Variants in CCSER2 observed in about 807,000 individuals in gnomAD.
CCSER2 encodes coiled-coil serine rich protein 2.
In CCSER2, 46 loss-of-function variants were observed where a neutral mutation model predicts 92.3. The ratio of observed to expected loss-of-function variants is 0.50; its 90% CI spans 0.39 to 0.64. CCSER2 has a LOEUF of 0.64. Among genes scored for constraint, CCSER2 ranks in the 30% least tolerant of loss-of-function variants. The pLI is 0.00. For missense variants in CCSER2, 1,244 were observed against 1,238.9 expected, an observed-to-expected ratio of 1.00 and a Z score of -0.06; for synonymous variants, 433 against 431.4, an observed-to-expected ratio of 1.00 and a Z score of -0.04.
intron 9 of CCSER2, among the ~76,000 whole-genome samples, chr10:84,496,297 C>A (rs1046988293): frequency 1.3e-5 from 2 of 151,398 alleles, no homozygotes; most frequent in South Asian, 2.1e-4. Context: ...TTTCTTTTTT[C>A]TTTTTTGAGA....
At chr10:84,513,210 T>C (rs1849455380) in intron 9 of CCSER2, among the ~76,000 whole-genome samples, 1 of 152,208 alleles carries the variant, frequency 6.6e-6, no homozygotes, top group South Asian at 2.1e-4. Context: ...TTTCTTTTTC[T>C]CATTTAATTT....
At chr10:84,499,724 G>T in intron 9 of CCSER2, 1 of 604,396 alleles carries the variant, frequency 1.7e-6, no homozygotes, top group South Asian at 2.6e-5. Context: ...TTAGTAATTT[G>T]AGCTGCCTGT....
chr10:84,502,679 G>T (rs541773017), intron 9 of CCSER2, among the ~76,000 whole-genome samples: 2 of 152,116 alleles, frequency 1.3e-5, no homozygotes, highest in African/African-American at 4.8e-5. Context: ...CCTCTTTGAT[G>T]ACTTCTTGAA....
chr10:84,455,431 A>G (rs898235012), intron 6 of CCSER2, among the ~76,000 whole-genome samples: 1 of 151,916 alleles, frequency 6.6e-6, no homozygotes, highest in Non-Finnish European at 1.5e-5. Flanking sequence ...GCCTGCCACC[A>G]TATGTGGCTA....
Position 84,377,470 on chromosome 10 carries a change from A to C in CCSER2, c.1614+3655A>C, listed in dbSNP as rs149852088. 2.2e-3 allele frequency among the ~76,000 whole-genome samples: 332 copies of C among 152,312 alleles called. 1 individual carries two copies. Among genetic ancestry groups the C allele is most frequent in the African/African-American group, 7.7e-3 (321 of 41,582 alleles). ...TCATAAATCAGTGACTGCATATATAAATATTTCATTGCATAGACAAATATT... is the reference window on the plus strand; with the variant it reads ...TCATAAATCAGTGACTGCATATATACATATTTCATTGCATAGACAAATATT... On this transcript the variant is annotated intron_variant, in intron 3 of 9. Transcript: ENST00000372088.
At chr10:84,476,770 A>G (rs1053193826) in intron 8 of CCSER2, among the ~76,000 whole-genome samples, 1 of 152,016 alleles carries the variant, frequency 6.6e-6, no homozygotes, top group African/African-American at 2.4e-5. Context: ...CAGTATTTTC[A>G]TGATCTTTTT....
chr10:84,434,197 C>T (rs1843964345), intron 5 of CCSER2, among the ~76,000 whole-genome samples: 1 of 152,068 alleles, frequency 6.6e-6, no homozygotes, highest in Non-Finnish European at 1.5e-5. Context: ...TGTCTTTAGT[C>T]TTAGAAAGTG....
At chr10:84,410,490 T>G (rs1421409691) in intron 3 of CCSER2, among the ~76,000 whole-genome samples, 1 of 152,224 alleles carries the variant, frequency 6.6e-6, no homozygotes, top group Non-Finnish European at 1.5e-5. Context: ...CATTTTGGTT[T>G]TTATTTGCAT....
intron 6 of CCSER2, among the ~76,000 whole-genome samples, chr10:84,443,368 T>TAAC (rs1844697601): frequency 6.6e-6 from 1 of 152,160 alleles, no homozygotes; most frequent in Admixed American, 6.5e-5. Flanking sequence ...AGAAGACAAT[T>TAAC]ATGCAGCCAA....
chr10:84,389,329 G>C (rs1841396848), intron 3 of CCSER2: 1 of 522,856 alleles, frequency 1.9e-6, no homozygotes. Context: ...GTCGAGCAAT[G>C]TTGACAATCT....
intron 6 of CCSER2, chr10:84,456,068 T>G (rs1021503266): frequency 4.7e-6 from 2 of 421,912 alleles, no homozygotes; most frequent in Admixed American, 7.0e-5. Flanking sequence ...TCGGGCTGGG[T>G]CAGGCCAAAG....
intron 9 of CCSER2, among the ~76,000 whole-genome samples, chr10:84,502,844 G>A (rs569580255): frequency 1.2e-3 from 185 of 152,266 alleles, no homozygotes; most frequent in African/African-American, 4.4e-3. Flanking sequence ...TATGCAGAGT[G>A]AGATAATTAA....
intron 3 of CCSER2, among the ~76,000 whole-genome samples, chr10:84,416,854 C>G (rs1399915636): frequency 6.6e-6 from 1 of 152,094 alleles, no homozygotes; most frequent in African/African-American, 2.4e-5. Flanking sequence ...TGGCGTGAAC[C>G]CAGGAGGCGG....
At chr10:84,332,437 T>TATATATATA (rs57504114) in intron 1 of CCSER2, among the ~76,000 whole-genome samples, 1 of 34,890 alleles carries the variant, frequency 2.9e-5, no homozygotes, top group Non-Finnish European at 4.6e-5. Flanking sequence ...TATATATATA[T>TATATATATA]TTTTTTTTTT....
intron 3 of CCSER2, among the ~76,000 whole-genome samples, chr10:84,400,315 G>A (rs988889028): frequency 2.0e-5 from 3 of 152,076 alleles, no homozygotes; most frequent in African/African-American, 7.2e-5. Flanking sequence ...AAGTCACAAA[G>A]ACTTATCCTT....
intron 3 of CCSER2, chr10:84,391,973 TA>T: frequency 7.5e-7 from 1 of 1,341,106 alleles, no homozygotes; most frequent in Non-Finnish European, 1.1e-6. Flanking sequence ...AAGTAGGCGA[TA>T]AAAATTGGAG....
rs550916374 is a variant in CCSER2, at chr10:84,348,216, C to T, written c.-40+19408C>T. Among the ~76,000 whole-genome samples, 726 of 152,322 alleles carry T rather than the reference C, an allele frequency of 4.8e-3. 1 individual carries two copies. Among genetic ancestry groups the T allele is most frequent in the Non-Finnish European group, 5.8e-3 (398 of 68,036 alleles). ...CTGCAATCCCAGCACCTCGGGAGGC[C>T]GAGGCTGGCGGATCACTCGCGGTTA... On this transcript the variant is annotated intron_variant, in intron 1 of 9. Coordinates refer to ENST00000372088, the MANE Select transcript of CCSER2 (RefSeq NM_001284240.2).
intron 1 of CCSER2, among the ~76,000 whole-genome samples, chr10:84,347,384 G>A (rs889275045): frequency 6.6e-6 from 1 of 150,936 alleles, no homozygotes; most frequent in African/African-American, 2.4e-5. Context: ...CCTCCCGGAC[G>A]GGGCGGCTGG....
chr10:84,443,160 A>G (rs1272970764), intron 6 of CCSER2, among the ~76,000 whole-genome samples: 1 of 152,222 alleles, frequency 6.6e-6, no homozygotes, highest in African/African-American at 2.4e-5. Context: ...ATCTAATTAA[A>G]CTAAAGAACT....
Sources: allele counts gnomAD v4.1 joint callset (sites outside exome capture counted in the v4.1 genomes callset), GRCh38; gene constraint gnomAD v4.1.1; transcripts MANE v1.5; gene names NCBI Gene and HGNC (gene_info 2026-07-23, HGNC 2026-07-21).